The following MYOM3 variants were observed in gnomAD, a reference collection of about 807,000 sequenced individuals.
MYOM3 encodes the protein myomesin 3.
MYOM3 carries 155 observed loss-of-function variants against 191.7 expected under a neutral mutation model. The observed-to-expected ratio is 0.81, with a 90% CI of 0.71 to 0.92. MYOM3 has a LOEUF of 0.92. Ranked by LOEUF, MYOM3 falls within the 40% of genes least tolerant of loss-of-function variation. MYOM3 has a pLI of 0.00. For synonymous variants in MYOM3, 757 were observed against 762.9 expected (o/e 0.99, Z 0.13); for missense variants, 1,889 against 1,890.6 (o/e 1.00, Z 0.02).
chr1:24,097,823 C>T (rs1643886564), intron 7 of MYOM3, 100 bp downstream of exon 7: 1 of 844,646 alleles, frequency 1.2e-6, no homozygotes, highest in South Asian at 1.4e-5. Flanking sequence ...CAGCCTTGTG[C>T]CTATGGCCCT....
rs1258397550 is a variant in MYOM3, at chr1:24,082,592, C to T, written c.2092+1G>A. 1.9e-6 allele frequency: 3 copies of T among 1,601,036 alleles called. No homozygotes were observed. The highest frequency in any genetic ancestry group is 1.7e-6 in the Non-Finnish European group (2 of 1,174,924). ...CAGGCTGGACCTGCCCTTGGACTCA[C>T]CCAGAGCCTGCTTGACCCTGATGGG... On this transcript the variant is annotated splice_donor_variant, in intron 17 of 36. Coordinates refer to ENST00000374434, the MANE Select transcript of MYOM3 (RefSeq NM_152372.4). LOFTEE classifies it high-confidence loss of function.
At position 24,057,305 on chromosome 1, in the gene MYOM3, A is replaced by C; in HGVS notation, c.*59T>G. On this transcript the variant is annotated 3_prime_UTR_variant, in exon 37 of 37. Coordinates refer to ENST00000374434, the MANE Select transcript of MYOM3 (RefSeq NM_152372.4). Reference sequence around the variant, plus strand: ...GCCTGTGCCAGGCTGTGACCCTGGTACAGGTTGTCCCTACTGGTCCATGTA... The same window carrying C: ...GCCTGTGCCAGGCTGTGACCCTGGTCCAGGTTGTCCCTACTGGTCCATGTA... 1 of 1,549,876 alleles carries C rather than the reference A, an allele frequency of 6.5e-7. No homozygotes were observed. The highest frequency in any genetic ancestry group is 8.8e-7 in the Non-Finnish European group (1 of 1,136,730).
chr1:24,111,757 G>T lies in MYOM3; in HGVS notation c.-19+274C>A, dbSNP rs866082527. 7.1e-3 allele frequency among the ~76,000 whole-genome samples: 983 copies of T among 138,354 alleles called. 11 individuals carry two copies. Among genetic ancestry groups the T allele is most frequent in the African/African-American group, 0.025 (902 of 36,530 alleles). The allele number at this position is 138,354 out of a possible 152,430, so 90.8% of individuals were successfully genotyped here. The stretch of plus-strand genomic sequence containing the variant: ...AGCCCCCACTCTTTTTTTTTTTTTT[G>T]CAACTTTCACATCACAGACAGCTCA... On this transcript the variant is annotated intron_variant, in intron 1 of 36. Coordinates refer to ENST00000374434, the MANE Select transcript of MYOM3 (RefSeq NM_152372.4). The surrounding 1 kb of genome is among the most constrained non-coding windows in gnomAD (Gnocchi z 4.7).
At chr1:24,092,801 G>T in intron 10 of MYOM3, 146 bp downstream of exon 10, 1 of 805,622 alleles carries the variant, frequency 1.2e-6, no homozygotes, top group Non-Finnish European at 1.8e-6. Flanking sequence ...GAGTCTTGGA[G>T]ACCCCAACCC....
At chr1:24,072,062 G>C in intron 23 of MYOM3, 49 bp from the exon 24 acceptor site, 1 of 1,595,430 alleles carries the variant, frequency 6.3e-7, no homozygotes, top group Non-Finnish European at 8.6e-7. Context: ...GAAATATCCT[G>C]GTCGGGGGTG....
At chr1:24,066,406 C>T (rs987736324) in intron 28 of MYOM3, 14 of 599,388 alleles carry the variant, frequency 2.3e-5, no homozygotes, top group South Asian at 4.0e-5. Context: ...CGTTCAGTAC[C>T]GTGCAGAGTG....
Position 24,108,032 on chromosome 1 carries a change from G to A in MYOM3, c.203C>T (p.Ala68Val). The change falls in exon 3 of 37, where the codon GCA (alanine) becomes GTA (valine). Residue 68 changes from alanine to valine, a missense_variant. Ala to Val is a moderately conservative substitution (Grantham distance 64, BLOSUM62 0). Transcript: ENST00000374434. ...GGAGGCCGTCAGAGCCAGGGCTGCT[G>A]CCAGGGCGTAGTCCGCGGCGCTGAA... ...HEFSAADYAL[A>V]AALALTASSE... The A allele has an allele frequency of 6.2e-7, 1 of 1,613,794 alleles. No individual in the cohort carries two copies. The highest frequency in any genetic ancestry group is 1.1e-5 in the South Asian group (1 of 91,066).
Position 24,063,656 on chromosome 1 carries a change from G to A in MYOM3, c.3623-126C>T. ...TGCTCTCAGGGGGACAGGCAACTCT[G>A]TAGGATGACTCTCATAGCTTGGGGA... On this transcript the variant is annotated intron_variant, in intron 30 of 36. Coordinates refer to ENST00000374434, the MANE Select transcript of MYOM3 (RefSeq NM_152372.4). The surrounding 1 kb of genome is among the most constrained non-coding windows in gnomAD (Gnocchi z 4.5). The A allele has an allele frequency of 9.5e-7, 1 of 1,053,864 alleles. No homozygotes were observed. The highest frequency in any genetic ancestry group is 1.4e-6 in the Non-Finnish European group (1 of 694,718). The allele number at this position is 1,053,864 out of a possible 1,614,324, so 65.3% of individuals were successfully genotyped here.
chr1:24,089,813 G>A (rs749929578), intron 13 of MYOM3, 148 bp from the exon 14 acceptor site: 65 of 1,025,252 alleles, frequency 6.3e-5, no homozygotes, highest in Non-Finnish European at 8.2e-5. Flanking sequence ...AGCAATGCTG[G>A]GCAGAGCCGG....
Position 24,076,203 on chromosome 1 carries a change from T to C in MYOM3, c.2657A>G (p.Gln886Arg). ...CACGGGATCAGTGGGCATGGACGGT[T>C]GCCCCAGACCAGCTGAATTCATGGC... ...VQAMNSAGLGQPSMPTDPVLL... is the reference protein window; with the variant it reads ...VQAMNSAGLGRPSMPTDPVLL... The change falls in exon 21 of 37, where the codon CAA becomes CGA. Residue 886 changes from glutamine to arginine, a missense_variant. Gln to Arg is a conservative substitution (Grantham distance 43, BLOSUM62 1). Transcript: ENST00000374434. The C allele has an allele frequency of 6.2e-7, 1 of 1,614,208 alleles. No individual in the cohort carries two copies. Among genetic ancestry groups the C allele is most frequent in the Non-Finnish European group, 8.5e-7 (1 of 1,180,012 alleles).
chr1:24,070,676 C>T (rs1643520045), intron 25 of MYOM3, among the ~76,000 whole-genome samples: 1 of 152,010 alleles, frequency 6.6e-6, no homozygotes. Context: ...TCAAGACCAA[C>T]CTGGTCAACA....
rs1643763462 is a variant in MYOM3 at position 24,087,401 on chromosome 1, G to C, written c.1615-574C>G. ...CACGTGTCAGACCAGGTCCCTGTCT[G>C]CCCAGAACCCTCCCACGTCCCGCAT... On this transcript the variant is annotated intron_variant, in intron 14 of 36. Coordinates refer to ENST00000374434, the MANE Select transcript of MYOM3 (RefSeq NM_152372.4). This position sits in a 1 kb window ranked among gnomAD's most constrained non-coding sequence, Gnocchi z 4.5. 6.6e-6 allele frequency among the ~76,000 whole-genome samples: 1 copy of C among 152,008 alleles called. No individual in the cohort carries two copies. Among genetic ancestry groups the C allele is most frequent in the Admixed American group, 6.6e-5 (1 of 15,248 alleles).
chr1:24,081,235 A>C, intron 19 of MYOM3, 95 bp downstream of exon 19: 4 of 1,496,926 alleles, frequency 2.7e-6, no homozygotes, highest in South Asian at 2.5e-5. Context: ...TGCAAGCCTG[A>C]ATGCATAGAG....
intron 19 of MYOM3, 39 bp from the exon 20 acceptor site, chr1:24,080,233 G>A: frequency 6.7e-7 from 1 of 1,498,352 alleles, no homozygotes. Flanking sequence ...GTGTGAGTTG[G>A]GCAGCCAGGC....
At chr1:24,109,345 C>T (rs960863064) in intron 1 of MYOM3, among the ~76,000 whole-genome samples, 1 of 152,160 alleles carries the variant, frequency 6.6e-6, no homozygotes, top group Non-Finnish European at 1.5e-5. Context: ...CTACTAACCT[C>T]CCAGGGTAGT....
At chr1:24,075,925 G>T (rs755422837) in intron 21 of MYOM3, among the ~76,000 whole-genome samples, 2 of 152,222 alleles carry the variant, frequency 1.3e-5, no homozygotes, top group Non-Finnish European at 2.9e-5. Flanking sequence ...TTGTAGTTGG[G>T]AGAGGTGAGT....
chr1:24,061,881 T>C (rs4649168), intron 33 of MYOM3, 65 bp downstream of exon 33: 1,497,695 of 1,575,744 alleles, frequency 0.95, 711,991 homozygotes, highest in East Asian at 1. Flanking sequence ...ACTGACCCAG[T>C]GTGCCCAGAC....
intron 7 of MYOM3, among the ~76,000 whole-genome samples, 159 bp downstream of exon 7, chr1:24,097,764 G>A (rs1643886243): frequency 6.6e-6 from 1 of 152,220 alleles, no homozygotes; most frequent in African/African-American, 2.4e-5. Context: ...AGGCCCCCAG[G>A]GAAGCGGGAG....
At chr1:24,089,008 C>G (rs1456393864) in intron 14 of MYOM3, among the ~76,000 whole-genome samples, 2 of 152,164 alleles carry the variant, frequency 1.3e-5, no homozygotes, top group Non-Finnish European at 2.9e-5. Flanking sequence ...CATACTGCCC[C>G]CCCTCCACTG....
Sources: allele counts gnomAD v4.1 joint callset (sites outside exome capture counted in the v4.1 genomes callset), GRCh38; gene constraint gnomAD v4.1.1; non-coding constraint Gnocchi (gnomAD v3.1); transcripts MANE v1.5; gene names NCBI Gene and HGNC (gene_info 2026-07-23, HGNC 2026-07-21).